The following DNAJC1 variants were observed in gnomAD, a reference collection of about 807,000 sequenced individuals.
DNAJC1 encodes the protein dnaJ homolog subfamily C member 1.
A neutral mutation model predicts 76.6 loss-of-function variants in DNAJC1; 58 were observed. The ratio of observed to expected loss-of-function variants is 0.76; its 90% confidence interval spans 0.61 to 0.94. DNAJC1 has a LOEUF of 0.94. Among genes scored for constraint, DNAJC1 ranks in the 40% least tolerant of loss-of-function variants. The pLI is 0.00. For synonymous variants in DNAJC1, 258 were observed against 267.9 expected, an observed-to-expected ratio of 0.96 and a Z score of 0.36; for missense variants, 689 against 677.3, an observed-to-expected ratio of 1.02 and a Z score of -0.19.
At chr10:21,790,488 A>T (rs1224001448) in intron 9 of DNAJC1, among the ~76,000 whole-genome samples, 2 of 146,074 alleles carry the variant, frequency 1.4e-5, no homozygotes, top group African/African-American at 5.0e-5. Context: ...CAAAAGAATG[A>T]AACAATGTAT....
intron 8 of DNAJC1, among the ~76,000 whole-genome samples, chr10:21,859,555 A>G (rs750576261): frequency 3.9e-5 from 6 of 152,118 alleles, no homozygotes; most frequent in Admixed American, 3.3e-4. Context: ...CTGGTATTCT[A>G]TGGTAAAACC....
chr10:21,902,430 G>C (rs911603420), intron 7 of DNAJC1, among the ~76,000 whole-genome samples: 1 of 151,796 alleles, frequency 6.6e-6, no homozygotes, highest in Non-Finnish European at 1.5e-5. Flanking sequence ...TCAGCCTCCC[G>C]AATAGTGGGG....
chr10:21,878,161 T>C (rs1325273668), intron 8 of DNAJC1, among the ~76,000 whole-genome samples: 1 of 152,184 alleles, frequency 6.6e-6, no homozygotes. Context: ...GTACTTTCCA[T>C]AGGCCCAATG....
chr10:21,890,370 G>A (rs892363108), intron 7 of DNAJC1, among the ~76,000 whole-genome samples: 12 of 144,800 alleles, frequency 8.3e-5, no homozygotes, highest in South Asian at 2.2e-4. Context: ...CCAAGATCAC[G>A]CCACTGCACT....
intron 8 of DNAJC1, among the ~76,000 whole-genome samples, chr10:21,867,267 C>T (rs770740255): frequency 3.3e-5 from 5 of 151,756 alleles, no homozygotes; most frequent in South Asian, 4.2e-4. Context: ...AGACAGCGAG[C>T]GAATATAAGA....
intron 9 of DNAJC1, among the ~76,000 whole-genome samples, chr10:21,771,419 T>A (rs1048654742): frequency 6.6e-6 from 1 of 152,222 alleles, no homozygotes; most frequent in African/African-American, 2.4e-5. Context: ...TTTAGTATGG[T>A]CTTTTATCTG....
intron 9 of DNAJC1, among the ~76,000 whole-genome samples, chr10:21,805,185 T>C (rs903526148): frequency 5.9e-5 from 9 of 152,070 alleles, no homozygotes; most frequent in African/African-American, 1.9e-4. Flanking sequence ...TATTTTTGGA[T>C]CTATAGGATT....
At chr10:21,928,382 T>C (rs1837163975) in intron 3 of DNAJC1, 124 bp downstream of exon 3, 6 of 848,266 alleles carry the variant, frequency 7.1e-6, no homozygotes, top group Non-Finnish European at 1.1e-5. Flanking sequence ...AAACACTGCA[T>C]TTCTCGGAAG....
At chr10:21,987,187 A>T (rs1017155263) in intron 1 of DNAJC1, among the ~76,000 whole-genome samples, 1 of 152,178 alleles carries the variant, frequency 6.6e-6, no homozygotes, top group Non-Finnish European at 1.5e-5. Context: ...AAAACATTTT[A>T]TACTCCCTCA....
intron 8 of DNAJC1, among the ~76,000 whole-genome samples, chr10:21,841,978 T>C (rs1249486577): frequency 6.6e-6 from 1 of 151,686 alleles, no homozygotes; most frequent in African/African-American, 2.4e-5. Flanking sequence ...ACCATCATTC[T>C]CAGCAAAGTA....
At chr10:21,966,980 A>G (rs1590071412) in intron 1 of DNAJC1, among the ~76,000 whole-genome samples, 1 of 146,058 alleles carries the variant, frequency 6.8e-6, no homozygotes, top group Non-Finnish European at 1.5e-5. Context: ...GAGCCACTGC[A>G]CCCGGCCTTG....
chr10:21,975,631 T>C (rs1434908907), intron 1 of DNAJC1, among the ~76,000 whole-genome samples: 5 of 152,182 alleles, frequency 3.3e-5, no homozygotes, highest in Admixed American at 3.3e-4. Context: ...TAGTGTTTCA[T>C]ACTAGCTATC....
At chr10:21,830,804 T>C (rs1011771464) in intron 8 of DNAJC1, among the ~76,000 whole-genome samples, 2 of 152,224 alleles carry the variant, frequency 1.3e-5, no homozygotes, top group Admixed American at 6.5e-5. Flanking sequence ...TTCTAACTCA[T>C]GAATTCTCAT....
intron 6 of DNAJC1, among the ~76,000 whole-genome samples, chr10:21,908,231 T>TG (rs1222653361): frequency 3.8e-5 from 2 of 52,060 alleles, no homozygotes; most frequent in Admixed American, 5.2e-4. Flanking sequence ...ATAATATATA[T>TG]AAAATATATA....
intron 8 of DNAJC1, among the ~76,000 whole-genome samples, chr10:21,877,725 T>C (rs955401948): frequency 6.6e-6 from 1 of 152,162 alleles, no homozygotes; most frequent in African/African-American, 2.4e-5. Context: ...AAAGTATAAA[T>C]TGACACAAAC....
intron 9 of DNAJC1, among the ~76,000 whole-genome samples, chr10:21,799,718 C>T (rs1287322471): frequency 2.0e-5 from 3 of 152,106 alleles, no homozygotes; most frequent in African/African-American, 4.8e-5. Context: ...CTTAGTTCTC[C>T]TGATTCACCA....
At position 21,918,886 on chromosome 10, in the gene DNAJC1, GA is replaced by G; in HGVS notation, c.636-15del. The G allele has an allele frequency of 1.9e-6, 3 of 1,585,098 alleles. No individual in the cohort carries two copies. The highest frequency in any genetic ancestry group is 2.6e-6 in the Non-Finnish European group (3 of 1,154,766). On this transcript the variant is annotated splice_polypyrimidine_tract_variant and intron_variant, in intron 5 of 11. Coordinates refer to ENST00000376980, the MANE Select transcript of DNAJC1 (RefSeq NM_022365.4). The stretch of plus-strand genomic sequence containing the variant: ...TTCATCAGCAATCTAAAGGGAGGGA[GA>G]AAAAAGAACACCATACAACATATGA...
chr10:21,879,275 T>C (rs1036738527), intron 8 of DNAJC1, among the ~76,000 whole-genome samples: 15 of 152,180 alleles, frequency 9.9e-5, no homozygotes, highest in African/African-American at 2.9e-4. Context: ...CACAATAAAG[T>C]TAATATTGTA....
rs184583861 is a variant in DNAJC1, at chr10:21,907,476, T to C, written c.730-2864A>G. Among the ~76,000 whole-genome samples the C allele has an allele frequency of 2.0e-3, 312 of 152,270 alleles. 1 individual carries two copies. The highest frequency in any genetic ancestry group is 7.1e-3 in the African/African-American group (294 of 41,548). ...GTGTATAGTTTGGGGTATCACACTT[T>C]AAGATGCACTGACAAATAGAAAGAC... On this transcript the variant is annotated intron_variant, in intron 6 of 11. Coordinates refer to ENST00000376980, the MANE Select transcript of DNAJC1 (RefSeq NM_022365.4).
Sources: allele counts gnomAD v4.1 joint callset (sites outside exome capture counted in the v4.1 genomes callset), GRCh38; gene constraint gnomAD v4.1.1; transcripts MANE v1.5; gene names NCBI Gene and HGNC (gene_info 2026-07-23, HGNC 2026-07-21).